VPS13B: variants seen among roughly 807,000 people sequenced by gnomAD.
The protein encoded by VPS13B is intermembrane lipid transfer protein VPS13B.
A neutral mutation model predicts 426.4 loss-of-function variants in VPS13B; 285 were observed. That is an observed-to-expected ratio of 0.67 (90% CI 0.61 to 0.74). The LOEUF is 0.74. Among genes scored for constraint, VPS13B ranks in the 30% least tolerant of loss-of-function variants. The pLI is 0.00. For synonymous variants in VPS13B, 1,676 were observed against 1,676.4 expected (o/e 1.00, Z 0.01); for missense variants, 4,537 against 4,782.6 (o/e 0.95, Z 1.51).
At chr8:99,395,382 G>C (rs757637379) in intron 21 of VPS13B, among the ~76,000 whole-genome samples, 4 of 152,184 alleles carry the variant, frequency 2.6e-5, no homozygotes, top group Non-Finnish European at 5.9e-5. Context: ...TCGGAGCTAC[G>C]ATCTTAATGA....
chr8:99,875,705 G>A lies in VPS13B; in HGVS notation c.*39G>A, dbSNP rs767884048. 1 of 1,611,414 alleles carries A rather than the reference G, an allele frequency of 6.2e-7. No individual in the cohort carries two copies. Among genetic ancestry groups the A allele is most frequent in the Non-Finnish European group, 8.5e-7 (1 of 1,179,848 alleles). ...TGTTTATTCCTGCTTGTGTGATTTA[G>A]TTTTTGGGTTTCTTTGAGACAGGGT... On this transcript the variant is annotated 3_prime_UTR_variant, in exon 62 of 62. Coordinates refer to ENST00000357162, the MANE Select transcript of VPS13B (RefSeq NM_152564.5).
At chr8:99,554,417 T>C (rs56175283) in intron 30 of VPS13B, among the ~76,000 whole-genome samples, 1 of 152,128 alleles carries the variant, frequency 6.6e-6, no homozygotes, top group Non-Finnish European at 1.5e-5. Flanking sequence ...GTGGCCCTGA[T>C]TCAAAAGTTT....
chr8:99,421,729 G>A (rs975158572), intron 21 of VPS13B, among the ~76,000 whole-genome samples: 3 of 152,086 alleles, frequency 2.0e-5, no homozygotes, highest in African/African-American at 7.2e-5. Context: ...CCAGGCTGGA[G>A]TGCCGTGCCA....
intron 21 of VPS13B, among the ~76,000 whole-genome samples, chr8:99,406,878 G>A (rs1009494384): frequency 6.6e-6 from 1 of 152,176 alleles, no homozygotes; most frequent in Non-Finnish European, 1.5e-5. Context: ...GAAGACCTTA[G>A]GATAGGTGTT....
chr8:99,499,090 T>G (rs1375101496), intron 25 of VPS13B, among the ~76,000 whole-genome samples: 3 of 152,134 alleles, frequency 2.0e-5, no homozygotes, highest in African/African-American at 7.2e-5. Flanking sequence ...GAAAATAAAC[T>G]TAGCATTTGG....
At chr8:99,813,109 G>A (rs28588901) in intron 44 of VPS13B, among the ~76,000 whole-genome samples, 25,620 of 152,164 alleles carry the variant, frequency 0.17, 3,732 homozygotes, top group African/African-American at 0.39. Context: ...GCTCTCCTGA[G>A]CCTAACCCTG....
intron 51 of VPS13B, among the ~76,000 whole-genome samples, chr8:99,824,989 T>C (rs1814588070): frequency 6.6e-6 from 1 of 152,244 alleles, no homozygotes; most frequent in Non-Finnish European, 1.5e-5. Flanking sequence ...GATGGGCATT[T>C]GGGTTGGTTC....
At chr8:99,701,515 C>T (rs751071349) in intron 36 of VPS13B, among the ~76,000 whole-genome samples, 1 of 152,120 alleles carries the variant, frequency 6.6e-6, no homozygotes, top group African/African-American at 2.4e-5. Context: ...ATCCTTCTCT[C>T]ACTAAGCTGT....
intron 35 of VPS13B, among the ~76,000 whole-genome samples, chr8:99,695,740 A>T (rs1271237863): frequency 6.6e-6 from 1 of 151,848 alleles, no homozygotes; most frequent in Non-Finnish European, 1.5e-5. Flanking sequence ...AAAAAAAAGA[A>T]AATACAGTGT....
chr8:99,463,914 T>G (rs893461803), intron 23 of VPS13B, among the ~76,000 whole-genome samples: 7 of 152,132 alleles, frequency 4.6e-5, no homozygotes, highest in African/African-American at 1.7e-4. Context: ...AGGCTGGTCT[T>G]GAACTCTCGA....
At chr8:99,695,348 C>T (rs1234379898) in intron 35 of VPS13B, among the ~76,000 whole-genome samples, 2 of 148,880 alleles carry the variant, frequency 1.3e-5, no homozygotes, top group Non-Finnish European at 3.0e-5. Context: ...CACATATACA[C>T]CATGGAATAC....
In VPS13B at chr8:99,085,196, A is replaced by C. The variant is rs1366306825; in HGVS notation, c.292-11116A>C. ...CTCTTGTCGTTGAATTGATCCCTTT[A>C]CCATTATGTAATGGCCTTCTTTGTC... On this transcript the variant is annotated intron_variant, in intron 3 of 61. Transcript: ENST00000357162. Among the ~76,000 whole-genome samples the C allele has an allele frequency of 2.6e-5, 4 of 152,070 alleles. No individual in the cohort carries two copies. In the East Asian group the frequency reaches 7.7e-4, roughly 29 times the overall value.
rs867650313 is a variant in VPS13B at position 99,876,573 on chromosome 8, A to G, written c.*907A>G. ...AGAGCACACAAGAACCCCAATATTA[A>G]TGCTAACAATTATACCAGTCCATTT... On this transcript the variant is annotated 3_prime_UTR_variant, in exon 62 of 62. Coordinates refer to ENST00000357162, the MANE Select transcript of VPS13B (RefSeq NM_152564.5). 2.6e-5 allele frequency: 4 copies of G among 152,204 alleles called. No individual in the cohort carries two copies. The highest frequency in any genetic ancestry group is 5.9e-5 in the Non-Finnish European group (4 of 68,018). The allele number at this position is 152,204 out of a possible 1,614,324, so 9.4% of individuals were successfully genotyped here. A position where few individuals can be genotyped will look rare whatever the true frequency, so the allele number is the denominator to read the frequency against.
At chr8:99,743,184 A>G (rs564424049) in intron 39 of VPS13B, among the ~76,000 whole-genome samples, 153 of 152,350 alleles carry the variant, frequency 1.0e-3, no homozygotes, top group African/African-American at 3.5e-3. Context: ...CACCAATAAC[A>G]GACAAACAGC....
chr8:99,088,441 A>G (rs1003940847), intron 3 of VPS13B, among the ~76,000 whole-genome samples: 2 of 152,184 alleles, frequency 1.3e-5, no homozygotes, highest in African/African-American at 4.8e-5. Flanking sequence ...AGTGTCATTA[A>G]CTGAATTAGG....
intron 54 of VPS13B, among the ~76,000 whole-genome samples, chr8:99,843,644 A>C (rs1431493867): frequency 6.6e-6 from 1 of 152,220 alleles, no homozygotes; most frequent in Non-Finnish European, 1.5e-5. Flanking sequence ...GCAGTTCTGA[A>C]TGTTTTCTGG....
chr8:99,235,023 GT>G (rs1219968458), intron 17 of VPS13B, among the ~76,000 whole-genome samples: 2 of 152,182 alleles, frequency 1.3e-5, no homozygotes, highest in Non-Finnish European at 2.9e-5. Flanking sequence ...TACTTTCTCA[GT>G]AATCTTAAAA....
At chr8:99,450,204 T>C (rs1170294013) in intron 23 of VPS13B, among the ~76,000 whole-genome samples, 3 of 152,282 alleles carry the variant, frequency 2.0e-5, no homozygotes, top group Non-Finnish European at 2.9e-5. Flanking sequence ...ATTTGAGAAA[T>C]GACAGGAGAA....
chr8:99,102,372 T>A (rs1253179467), intron 4 of VPS13B, among the ~76,000 whole-genome samples: 1 of 152,162 alleles, frequency 6.6e-6, no homozygotes, highest in Non-Finnish European at 1.5e-5. Flanking sequence ...TTCATTCATA[T>A]TTTCCCCTCT....
Sources: allele counts gnomAD v4.1 joint callset (sites outside exome capture counted in the v4.1 genomes callset), GRCh38; gene constraint gnomAD v4.1.1; transcripts MANE v1.5; gene names NCBI Gene and HGNC (gene_info 2026-07-23, HGNC 2026-07-21).